RBM33: variants seen among roughly 807,000 people sequenced by gnomAD.
RBM33 encodes RNA-binding protein 33.
Under a neutral mutation model 132.6 loss-of-function variants are expected in RBM33, and 28 were observed. That is an observed-to-expected ratio of 0.21 (90% CI 0.16 to 0.29). The LOEUF (loss-of-function observed/expected upper bound fraction) is 0.29. Among genes scored for constraint, RBM33 ranks in the 10% least tolerant of loss-of-function variants. The pLI is 1.00. For missense variants in RBM33, 1,291 were observed against 1,518.5 expected (o/e 0.85, Z 2.49); for synonymous variants, 634 against 593.0 (o/e 1.07, Z -1.01).
chr7:155,750,958 T>G (rs1000858932), intron 14 of RBM33, among the ~76,000 whole-genome samples: 3 of 152,202 alleles, frequency 2.0e-5, no homozygotes, highest in Admixed American at 2.0e-4. Flanking sequence ...TATTTTATTT[T>G]TAAAAGGCTG....
At chr7:155,744,522 T>C (rs1388882500) in intron 13 of RBM33, among the ~76,000 whole-genome samples, 1 of 152,188 alleles carries the variant, frequency 6.6e-6, no homozygotes, top group African/African-American at 2.4e-5. Flanking sequence ...AGGCTGAAAA[T>C]TCTGCACGAA....
intron 6 of RBM33, among the ~76,000 whole-genome samples, chr7:155,705,477 G>A (rs1024175027): frequency 5.9e-5 from 9 of 152,286 alleles, no homozygotes; most frequent in African/African-American, 2.2e-4. Context: ...TTATTTGAAG[G>A]AGAGAGGGGT....
chr7:155,687,418 C>T (rs1390271199), intron 5 of RBM33, among the ~76,000 whole-genome samples: 1 of 152,176 alleles, frequency 6.6e-6, no homozygotes, highest in Non-Finnish European at 1.5e-5. Context: ...TTCTCCCATT[C>T]TGTAGGTTGC....
At position 155,673,940 on chromosome 7, in the gene RBM33, G is replaced by GTTT. The variant is rs71186053; in HGVS notation, c.171+1055_171+1057dup. Among the ~76,000 whole-genome samples the GTTT allele has an allele frequency of 5.6e-3, 303 of 54,164 alleles. 18 individuals carry two copies. Among genetic ancestry groups the GTTT allele is most frequent in the Non-Finnish European group, 6.4e-3 (197 of 30,806 alleles). The allele number at this position is 54,164 out of a possible 152,430, so 35.5% of individuals were successfully genotyped here. On this transcript the variant is annotated intron_variant, in intron 3 of 17. Transcript: ENST00000401878. ...TCATTATCAAGATAGTTTAGGCTTA[G>GTTT]TTTTTTTTTTTTTTTTTTTTTTTTT...
intron 16 of RBM33, among the ~76,000 whole-genome samples, chr7:155,769,837 A>T (rs1802355889): frequency 1.3e-5 from 2 of 152,224 alleles, no homozygotes; most frequent in Non-Finnish European, 2.9e-5. Flanking sequence ...AGCCCACGTC[A>T]CAGGCTTAAA....
intron 14 of RBM33, among the ~76,000 whole-genome samples, chr7:155,755,050 T>A: frequency 6.6e-6 from 1 of 152,102 alleles, no homozygotes; most frequent in Non-Finnish European, 1.5e-5. Flanking sequence ...GAGAAAAAAA[T>A]GAGAAGCCCT....
chr7:155,723,148 GTGTCTT>G (rs1174194958), intron 9 of RBM33, among the ~76,000 whole-genome samples: 3 of 152,224 alleles, frequency 2.0e-5, no homozygotes, highest in Non-Finnish European at 4.4e-5. Flanking sequence ...TTTCCTGGAT[GTGTCTT>G]ATAGGCCATT....
intron 16 of RBM33, among the ~76,000 whole-genome samples, chr7:155,773,047 T>TAA (rs1802481935): frequency 6.6e-6 from 1 of 152,250 alleles, no homozygotes; most frequent in African/African-American, 2.4e-5. Context: ...GCTTCCATTG[T>TAA]AGCTCTTTGA....
At chr7:155,698,205 A>G (rs1799852961) in intron 5 of RBM33, among the ~76,000 whole-genome samples, 1 of 152,130 alleles carries the variant, frequency 6.6e-6, no homozygotes, top group Non-Finnish European at 1.5e-5. Flanking sequence ...CGTCTCTACT[A>G]AAAATACAAA....
intron 16 of RBM33, among the ~76,000 whole-genome samples, chr7:155,769,157 C>A (rs1486893086): frequency 6.6e-6 from 1 of 152,194 alleles, no homozygotes; most frequent in Non-Finnish European, 1.5e-5. Context: ...CGAACTGTAA[C>A]CATGTTTCAG....
At chr7:155,679,657 A>G (rs1799283599) in intron 4 of RBM33, among the ~76,000 whole-genome samples, 1 of 152,252 alleles carries the variant, frequency 6.6e-6, no homozygotes, top group South Asian at 2.1e-4. Flanking sequence ...TAATTTTTAC[A>G]GGTAAAAATA....
intron 9 of RBM33, among the ~76,000 whole-genome samples, chr7:155,719,607 A>G (rs765885995): frequency 1.3e-5 from 2 of 152,182 alleles, no homozygotes; most frequent in Non-Finnish European, 2.9e-5. Context: ...TTGGGTATCT[A>G]TTTGAAGCAG....
At position 155,663,565 on chromosome 7, in the gene RBM33, G is replaced by A. The variant is rs569620476; in HGVS notation, c.44-1610G>A. Reference sequence around the variant, plus strand: ...CACCAAGCCATGCCGGATCTGCCCCGGGACCCCAACGCCTCCCACCAGGCC... The same window carrying A: ...CACCAAGCCATGCCGGATCTGCCCCAGGACCCCAACGCCTCCCACCAGGCC... On this transcript the variant is annotated intron_variant, in intron 1 of 17. Transcript: ENST00000401878. Among the ~76,000 whole-genome samples the A allele has an allele frequency of 5.9e-5, 9 of 152,192 alleles. No individual in the cohort carries two copies. In the South Asian group the frequency reaches 1.0e-3, roughly 18 times the overall value.
At chr7:155,760,976 T>A (rs1326082035) in intron 14 of RBM33, among the ~76,000 whole-genome samples, 1 of 152,222 alleles carries the variant, frequency 6.6e-6, no homozygotes, top group Non-Finnish European at 1.5e-5. Flanking sequence ...AGATCGCACG[T>A]TTCAGGCGAT....
At chr7:155,695,601 A>G (rs1374082761) in intron 5 of RBM33, among the ~76,000 whole-genome samples, 1 of 152,112 alleles carries the variant, frequency 6.6e-6, no homozygotes, top group African/African-American at 2.4e-5. Context: ...CTGGGATTAC[A>G]GGCACGTACC....
chr7:155,651,466 C>T (rs531058964), intron 1 of RBM33, among the ~76,000 whole-genome samples: 4 of 151,498 alleles, frequency 2.6e-5, no homozygotes, highest in Non-Finnish European at 5.9e-5. Flanking sequence ...ACATTTCATC[C>T]CTTAAACTCA....
At chr7:155,726,371 T>TG (rs1003913824) in intron 9 of RBM33, among the ~76,000 whole-genome samples, 1 of 152,122 alleles carries the variant, frequency 6.6e-6, no homozygotes, top group African/African-American at 2.4e-5. Context: ...GTTTTTTTTT[T>TG]TGTAACCTGA....
Position 155,718,424 on chromosome 7 carries a change from T to G in RBM33, c.1241T>G (p.Val414Gly), listed in dbSNP as rs1291223891. 1 of 1,613,784 alleles carries G rather than the reference T, an allele frequency of 6.2e-7. No homozygotes were observed. Among genetic ancestry groups the G allele is most frequent in the African/African-American group, 1.3e-5 (1 of 74,912 alleles). Residue 414 changes from valine (V) to glycine (G), a missense_variant, in exon 9 of 18, where the codon GTG becomes GGG. Val to Gly is a moderately radical substitution (Grantham distance 109). Around this residue, in one of 7 missense-constraint regions of RBM33, gnomAD observed 841 missense variants for 912.0 expected, o/e 0.92. Coordinates refer to ENST00000401878, the MANE Select transcript of RBM33 (RefSeq NM_053043.3). The stretch of plus-strand genomic sequence containing the variant: ...GTTCCGAGCCAGCCGAGACCTGCCG[T>G]GGGACCCCAGAGATTCCCAGTGAGT... ...LPVPSQPRPAVGPQRFPGPPE... is the reference protein window; with the variant it reads ...LPVPSQPRPAGGPQRFPGPPE...
intron 15 of RBM33, 79 bp downstream of exon 15, chr7:155,764,097 T>C: frequency 7.8e-6 from 9 of 1,154,102 alleles, no homozygotes; most frequent in Middle Eastern, 2.7e-4. Flanking sequence ...CTCTAATTTG[T>C]AGCGCATGGC....
Sources: gnomAD v4.1 joint callset for allele counts (sites outside exome capture counted in the v4.1 genomes callset) on GRCh38, gnomAD v4.1.1 for gene constraint, gnomAD v4.1.1 regional missense constraint, MANE v1.5 for transcripts, NCBI Gene and HGNC (gene_info 2026-07-23, HGNC 2026-07-21) for gene names.